The following CDH18 variants were observed in gnomAD, a reference collection of about 807,000 sequenced individuals.
CDH18 encodes the protein cadherin 18, also known as cadherin-18.
A neutral mutation model predicts 67.9 loss-of-function variants in CDH18; 31 were observed. The ratio of observed to expected loss-of-function variants is 0.46; its 90% CI spans 0.34 to 0.62. The LOEUF (loss-of-function observed/expected upper bound fraction) is 0.62, where lower values mean the gene tolerates loss of function less well. CDH18 is among the 20% of genes least tolerant of loss of function. The pLI is 0.01. For synonymous variants in CDH18, 362 were observed against 347.2 expected (o/e 1.04, Z -0.48); for missense variants, 890 against 975.5 (o/e 0.91, Z 1.17).
chr5:19,626,105 C>A (rs904584273), intron 5 of CDH18, among the ~76,000 whole-genome samples: 1 of 152,118 alleles, frequency 6.6e-6, no homozygotes, highest in South Asian at 2.1e-4. Context: ...AAGAAGGTCA[C>A]ATTCTGAGTT....
At chr5:20,115,088 T>C (rs1409531609) in intron 2 of CDH18, among the ~76,000 whole-genome samples, 2 of 151,666 alleles carry the variant, frequency 1.3e-5, no homozygotes, top group African/African-American at 4.9e-5. Flanking sequence ...AGTTCTGGAG[T>C]CTGCAATGTT....
intron 2 of CDH18, among the ~76,000 whole-genome samples, chr5:20,227,279 C>T (rs952237436): frequency 1.3e-5 from 2 of 152,106 alleles, no homozygotes; most frequent in African/African-American, 2.4e-5. Flanking sequence ...TTTCCAGTGT[C>T]ATCTTGGTTC....
intron 1 of CDH18, among the ~76,000 whole-genome samples, chr5:19,986,748 T>A (rs1799603338): frequency 6.6e-6 from 1 of 152,218 alleles, no homozygotes; most frequent in Admixed American, 6.5e-5. Context: ...GAGTATCACA[T>A]CCTATCTTCT....
At chr5:19,822,785 A>T (rs1381535581) in intron 3 of CDH18, among the ~76,000 whole-genome samples, 5 of 152,156 alleles carry the variant, frequency 3.3e-5, no homozygotes, top group Non-Finnish European at 7.3e-5. Context: ...ATTGTCATTG[A>T]TAACATTTTA....
At chr5:20,124,462 T>G (rs1359617117) in intron 2 of CDH18, among the ~76,000 whole-genome samples, 1 of 152,180 alleles carries the variant, frequency 6.6e-6, no homozygotes, top group Non-Finnish European at 1.5e-5. Flanking sequence ...ACCAGTCTTC[T>G]TACTGAGAAA....
intron 3 of CDH18, among the ~76,000 whole-genome samples, chr5:19,761,177 C>A (rs973949403): frequency 3.5e-4 from 53 of 152,212 alleles, no homozygotes; most frequent in Middle Eastern, 6.8e-3. Context: ...TGTTTTTCCG[C>A]AATTTCAGCT....
intron 1 of CDH18, among the ~76,000 whole-genome samples, chr5:20,403,922 C>A (rs1470612206): frequency 6.6e-6 from 1 of 152,216 alleles, no homozygotes; most frequent in Non-Finnish European, 1.5e-5. Context: ...GGTTTCCCTA[C>A]ATTGATAATC....
intron 1 of CDH18, among the ~76,000 whole-genome samples, chr5:20,501,479 ATAT>A (rs1308682748): frequency 3.0e-5 from 2 of 67,496 alleles, no homozygotes; most frequent in Admixed American, 1.9e-4. Context: ...TATTATATAC[ATAT>A]TATATATATT....
At position 19,668,750 on chromosome 5, in the gene CDH18, T is replaced by C. The variant is rs898797977; in HGVS notation, c.643+52597A>G. On this transcript the variant is annotated intron_variant, in intron 5 of 12. Transcript: ENST00000382275. ...ATGAAGGTGACTTCAAGGTGCATTG[T>C]CATGATGTTCCCTGACTGGATGACA... 2.0e-5 allele frequency among the ~76,000 whole-genome samples: 3 copies of C among 152,214 alleles called. No individual in the cohort carries two copies. In the South Asian group the frequency reaches 6.2e-4, roughly 32 times the overall value.
intron 5 of CDH18, among the ~76,000 whole-genome samples, chr5:19,650,372 T>A (rs1349617099): frequency 1.3e-5 from 2 of 152,124 alleles, no homozygotes; most frequent in Non-Finnish European, 2.9e-5. Context: ...GTCACTTTTG[T>A]TAACTAATAA....
chr5:20,504,686 T>C (rs893173886), intron 1 of CDH18, among the ~76,000 whole-genome samples: 4 of 147,874 alleles, frequency 2.7e-5, no homozygotes, highest in South Asian at 2.1e-4. Flanking sequence ...GAAGACTTAA[T>C]AAAAAGAATG....
intron 2 of CDH18, among the ~76,000 whole-genome samples, chr5:19,903,553 A>C (rs1790172815): frequency 6.9e-6 from 1 of 144,098 alleles, no homozygotes; most frequent in Non-Finnish European, 1.5e-5. Flanking sequence ...ATATATATAT[A>C]TATATATATA....
chr5:19,692,940 C>T (rs984975397), intron 5 of CDH18, among the ~76,000 whole-genome samples: 2 of 152,072 alleles, frequency 1.3e-5, no homozygotes, highest in African/African-American at 4.8e-5. Context: ...AACTACACCT[C>T]TATATCTATT....
At chr5:19,480,482 A>C (rs1234402134) in intron 12 of CDH18, among the ~76,000 whole-genome samples, 1 of 151,310 alleles carries the variant, frequency 6.6e-6, no homozygotes, top group Non-Finnish European at 1.5e-5. Context: ...GGCTCACGCC[A>C]TTCTCCTGCC....
At chr5:19,528,524 T>C (rs887311910) in intron 9 of CDH18, among the ~76,000 whole-genome samples, 1 of 151,732 alleles carries the variant, frequency 6.6e-6, no homozygotes, top group Admixed American at 6.6e-5. Flanking sequence ...TAAATGTTTG[T>C]ATAAATATAT....
upstream of CDH18, among the ~76,000 whole-genome samples, chr5:19,989,062 G>A (rs529560265): frequency 1.3e-5 from 2 of 152,242 alleles, no homozygotes; most frequent in South Asian, 4.1e-4. Flanking sequence ...GGGATTTAAG[G>A]TCTGATGGGC....
intron 3 of CDH18, among the ~76,000 whole-genome samples, chr5:19,752,224 A>G (rs1390370767): frequency 6.6e-6 from 1 of 151,890 alleles, no homozygotes; most frequent in Non-Finnish European, 1.5e-5. Flanking sequence ...GACTCCACAG[A>G]CAGTGGAAGC....
At chr5:19,802,122 T>C (rs1777537155) in intron 3 of CDH18, among the ~76,000 whole-genome samples, 1 of 152,146 alleles carries the variant, frequency 6.6e-6, no homozygotes, top group African/African-American at 2.4e-5. Flanking sequence ...CAGCAAAATA[T>C]ATATGACTCC....
intron 2 of CDH18, among the ~76,000 whole-genome samples, chr5:20,017,622 G>A (rs780739340): frequency 4.2e-4 from 64 of 152,320 alleles, no homozygotes; most frequent in Middle Eastern, 3.4e-3. Flanking sequence ...ACTGACAAGT[G>A]TAGAGAAATA....
Sources: allele counts gnomAD v4.1 joint callset (sites outside exome capture counted in the v4.1 genomes callset), GRCh38; gene constraint gnomAD v4.1.1; transcripts MANE v1.5; gene names NCBI Gene and HGNC (gene_info 2026-07-23, HGNC 2026-07-21).